Variants in TOP1MT observed in about 807,000 individuals in gnomAD.
TOP1MT encodes the protein DNA topoisomerase I mitochondrial.
A neutral mutation model predicts 73.9 loss-of-function variants in TOP1MT; 80 were observed. That is an observed-to-expected ratio of 1.08 (90% CI 0.90 to 1.30). TOP1MT has a LOEUF of 1.30. Ranked by LOEUF, TOP1MT falls within the 50% of genes most tolerant of loss-of-function variation. TOP1MT has a pLI of 0.00. For synonymous variants in TOP1MT, 338 were observed against 326.4 expected (o/e 1.04, Z -0.38); for missense variants, 815 against 808.0 (o/e 1.01, Z -0.10).
upstream of TOP1MT, among the ~76,000 whole-genome samples, chr8:143,349,799 C>T (rs963537036): frequency 9.2e-5 from 14 of 152,206 alleles, no homozygotes; most frequent in African/African-American, 3.4e-4. Flanking sequence ...CACCACCACG[C>T]CCAGATAATT....
intron 12 of TOP1MT, among the ~76,000 whole-genome samples, chr8:143,313,091 C>A (rs1348300507): frequency 1.3e-5 from 2 of 152,228 alleles, no homozygotes; most frequent in African/African-American, 2.4e-5. Flanking sequence ...CCTCAGACCA[C>A]ACACAAAAAT....
chr8:143,330,197 C>T (rs1816814685), intron 2 of TOP1MT, among the ~76,000 whole-genome samples: 1 of 152,234 alleles, frequency 6.6e-6, no homozygotes, highest in Non-Finnish European at 1.5e-5. Flanking sequence ...GCTCAGCTCC[C>T]ACTGCCCCTC....
upstream of TOP1MT, among the ~76,000 whole-genome samples, chr8:143,346,950 CTTCTTTAT>C (rs1817231523): frequency 1.4e-5 from 2 of 138,286 alleles, no homozygotes; most frequent in South Asian, 2.4e-4. Context: ...AAAAGCCTCA[CTTCTTTAT>C]TTATTTATTT....
chr8:143,325,540 T>C lies in TOP1MT; in HGVS notation c.484-7A>G. 2 of 1,602,990 alleles carry C rather than the reference T, an allele frequency of 1.2e-6. No individual in the cohort carries two copies. The highest frequency in any genetic ancestry group is 8.5e-7 in the Non-Finnish European group (1 of 1,170,910). Reference sequence around the variant, plus strand: ...CTGCCTCTTCTTTTAGCTTCTGAGTTAATAAAACAGTCAGTGGACATTAGC... The same window carrying C: ...CTGCCTCTTCTTTTAGCTTCTGAGTCAATAAAACAGTCAGTGGACATTAGC... On this transcript the variant is annotated splice_polypyrimidine_tract_variant and splice_region_variant and intron_variant, in intron 4 of 13. Coordinates refer to ENST00000329245, the MANE Select transcript of TOP1MT (RefSeq NM_052963.3).
At chr8:143,347,363 G>A (rs529037830), upstream of TOP1MT, among the ~76,000 whole-genome samples, 1 of 152,268 alleles carries the variant, frequency 6.6e-6, no homozygotes, top group African/African-American at 2.4e-5. Context: ...CACCATGTTA[G>A]CCAGGATGGT....
chr8:143,355,325 G>C (rs1447995934), intron 1 of TOP1MT: 1 of 152,240 alleles, frequency 6.6e-6, no homozygotes, highest in Non-Finnish European at 1.5e-5. Flanking sequence ...TCCTACCTTA[G>C]ATTCTACTCG....
At chr8:143,320,439 AATT>A (rs1279010280) in intron 8 of TOP1MT, among the ~76,000 whole-genome samples, 3 of 151,830 alleles carry the variant, frequency 2.0e-5, no homozygotes, top group Admixed American at 6.6e-5. Context: ...TGTTTTTTTA[AATT>A]ATTATTTCAG....
chr8:143,321,770 A>ACACACACGCACGC (rs1223156711), intron 7 of TOP1MT, among the ~76,000 whole-genome samples: 1 of 98,456 alleles, frequency 1.0e-5, no homozygotes, highest in Non-Finnish European at 2.0e-5. Flanking sequence ...CAGGCACGCC[A>ACACACACGCACGC]CACACACGCA....
At chr8:143,310,654 C>G (rs1280816890) in intron 12 of TOP1MT, among the ~76,000 whole-genome samples, 1 of 152,228 alleles carries the variant, frequency 6.6e-6, no homozygotes, top group East Asian at 1.9e-4. Context: ...CTTGCACCCT[C>G]CAATGCCAGA....
intron 1 of TOP1MT, among the ~76,000 whole-genome samples, chr8:143,354,251 C>T (rs1267567250): frequency 6.6e-6 from 1 of 152,004 alleles, no homozygotes. Context: ...TAACCCAGCA[C>T]AGTGTGGATG....
At position 143,309,404 on chromosome 8, in the gene TOP1MT, C is replaced by G. The variant is rs762839756; in HGVS notation, c.*37G>C. 2 of 1,598,438 alleles carry G rather than the reference C, an allele frequency of 1.3e-6. No individual in the cohort carries two copies. The highest frequency in any genetic ancestry group is 2.2e-5 in the South Asian group (2 of 90,722). ...TACTGCTTTAATAGTGAAAAAAACA[C>G]ACACACATACAAAAGAAGTTTCAAC... On this transcript the variant is annotated 3_prime_UTR_variant, in exon 14 of 14. Transcript: ENST00000329245.
intron 6 of TOP1MT, 135 bp from the exon 7 acceptor site, chr8:143,324,277 T>C: frequency 2.2e-6 from 3 of 1,386,634 alleles, no homozygotes; most frequent in Non-Finnish European, 3.0e-6. Flanking sequence ...GGGCAGCAAA[T>C]CTAGCTGGGT....
At chr8:143,323,205 G>A (rs1353530766) in intron 7 of TOP1MT, among the ~76,000 whole-genome samples, 1 of 24,742 alleles carries the variant, frequency 4.0e-5, no homozygotes, top group African/African-American at 1.4e-4. Flanking sequence ...GCCACACACA[G>A]GCACGCCACA....
chr8:143,337,801 C>T (rs1169395309), upstream of TOP1MT, among the ~76,000 whole-genome samples: 1 of 152,160 alleles, frequency 6.6e-6, no homozygotes, highest in Admixed American at 6.5e-5. Flanking sequence ...TCAAACAGCC[C>T]GGCGCCACAC....
rs142404145 is a variant in TOP1MT at position 143,355,812 on chromosome 8, T to C, written c.-39+153A>G. The stretch of plus-strand genomic sequence containing the variant: ...ACTCCGCTCAAGCGGAAACAAAGAC[T>C]GGAAAAAGAACACGAGGCAGGTCCC... On this transcript the variant is annotated intron_variant, in intron 1 of 5. Coordinates refer to the TOP1MT transcript ENST00000518760. 3.9e-3 allele frequency among the ~76,000 whole-genome samples: 596 copies of C among 152,152 alleles called. 5 individuals are homozygous for C. The highest frequency in any genetic ancestry group is 0.014 in the African/African-American group (566 of 41,498).
intron 1 of TOP1MT, chr8:143,343,404 T>C (rs1817166131): frequency 2.1e-5 from 8 of 375,268 alleles, no homozygotes; most frequent in South Asian, 1.4e-4. Flanking sequence ...ATGACCCTTT[T>C]CTCATTTTTC....
upstream of TOP1MT, chr8:143,359,537 A>G (rs1158689966): frequency 6.2e-6 from 3 of 482,548 alleles, no homozygotes; most frequent in East Asian, 2.0e-4. Context: ...AGCGATGAGG[A>G]GGGGTGGGGC....
At chr8:143,310,367 G>C (rs1485475975) in intron 12 of TOP1MT, 150 bp from the exon 13 acceptor site, 1 of 597,350 alleles carries the variant, frequency 1.7e-6, no homozygotes, top group East Asian at 3.1e-5. Context: ...AAGACCAGCC[G>C]GGATCAAAGG....
At chr8:143,309,794 C>A (rs1199953841) in intron 13 of TOP1MT, 1 of 1,533,624 alleles carries the variant, frequency 6.5e-7, no homozygotes. Flanking sequence ...ACCTCCCACT[C>A]CCTGTGGGCA....
Sources: gnomAD v4.1 joint callset for allele counts (sites outside exome capture counted in the v4.1 genomes callset) on GRCh38, gnomAD v4.1.1 for gene constraint, MANE v1.5 for transcripts, NCBI Gene and HGNC (gene_info 2026-07-23, HGNC 2026-07-21) for gene names.